The following NAV3 variants were observed in gnomAD, a reference collection of about 807,000 sequenced individuals.
NAV3 encodes the protein neuron navigator 3, also known as pore membrane and/or filament interacting like protein 1.
In NAV3, 87 loss-of-function variants were observed where a neutral mutation model predicts 244.7. The ratio of observed to expected loss-of-function variants is 0.36; its 90% CI spans 0.30 to 0.42. The LOEUF is 0.42. NAV3 is among the 20% of genes least tolerant of loss of function. The pLI is 1.00. For synonymous variants in NAV3, 1,126 were observed against 1,042.2 expected, an observed-to-expected ratio of 1.08 and a Z score of -1.55; for missense variants, 2,663 against 2,893.3, an observed-to-expected ratio of 0.92 and a Z score of 1.83.
chr12:78,177,498 T>C (rs1406760805), intron 27 of NAV3, 122 bp from the exon 28 acceptor site: 1 of 1,159,876 alleles, frequency 8.6e-7, no homozygotes, highest in Non-Finnish European at 1.2e-6. Flanking sequence ...TTTTTCTTTT[T>C]CATTTTCATA....
At chr12:77,921,526 T>C (rs1240218675) in intron 1 of NAV3, among the ~76,000 whole-genome samples, 1 of 152,094 alleles carries the variant, frequency 6.6e-6, no homozygotes, top group Non-Finnish European at 1.5e-5. Flanking sequence ...AGGAAAATCA[T>C]GCCGTTGTTA....
chr12:78,115,729 G>A (rs1022989161), intron 12 of NAV3, among the ~76,000 whole-genome samples: 5 of 151,702 alleles, frequency 3.3e-5, no homozygotes, highest in South Asian at 2.1e-4. Flanking sequence ...GCTTACCATC[G>A]TGTTAGAGTT....
intron 12 of NAV3, among the ~76,000 whole-genome samples, chr12:78,074,691 CA>C (rs1460840478): frequency 5.9e-5 from 9 of 151,990 alleles, no homozygotes; most frequent in African/African-American, 2.2e-4. Context: ...GTGACAAGAG[CA>C]AAACTCTGTC....
At chr12:77,732,143 C>G (rs1877152280) in intron 2 of NAV3, among the ~76,000 whole-genome samples, 1 of 151,964 alleles carries the variant, frequency 6.6e-6, no homozygotes, top group Non-Finnish European at 1.5e-5. Context: ...TCAAGGATTC[C>G]TAGTGCCTTT....
chr12:77,942,871 A>C (rs1248230799), intron 3 of NAV3, among the ~76,000 whole-genome samples: 1 of 152,246 alleles, frequency 6.6e-6, no homozygotes, highest in African/African-American at 2.4e-5. Context: ...TCAGTTAAAA[A>C]GCTCAACAGT....
chr12:77,717,408 A>C (rs1876411000), intron 2 of NAV3, among the ~76,000 whole-genome samples: 1 of 152,110 alleles, frequency 6.6e-6, no homozygotes, highest in African/African-American at 2.4e-5. Flanking sequence ...TTCACTTATC[A>C]TGATGTCCTC....
chr12:77,629,251 C>T (rs1871778916), intron 2 of NAV3, among the ~76,000 whole-genome samples: 1 of 152,092 alleles, frequency 6.6e-6, no homozygotes, highest in African/African-American at 2.4e-5. Context: ...CATAAGTATT[C>T]AATAAATATT....
chr12:77,839,045 C>G lies in NAV3; in HGVS notation c.243+7341C>G, dbSNP rs74527183. Among the ~76,000 whole-genome samples, 1,404 of 152,208 alleles carry G rather than the reference C, an allele frequency of 9.2e-3. 20 individuals carry two copies. Among genetic ancestry groups the G allele is most frequent in the African/African-American group, 0.03 (1,239 of 41,540 alleles). ...GACCAAGATGTTTCAGCCTTGGCAC[C>G]AGCGACATTTAGAACTGATAACTCT... is the stretch of plus-strand genomic sequence containing the variant. On this transcript the variant is annotated intron_variant, in intron 1 of 39. Coordinates refer to ENST00000397909, the MANE Select transcript of NAV3 (RefSeq NM_001024383.2).
intron 5 of NAV3, among the ~76,000 whole-genome samples, chr12:77,976,773 G>C (rs935107040): frequency 1.4e-5 from 2 of 146,246 alleles, no homozygotes; most frequent in Non-Finnish European, 3.0e-5. Flanking sequence ...TCCCCTCCCG[G>C]GTTCAAGTGA....
intron 1 of NAV3, among the ~76,000 whole-genome samples, chr12:77,847,993 C>T (rs1455070255): frequency 6.6e-6 from 1 of 152,194 alleles, no homozygotes; most frequent in Admixed American, 6.6e-5. Flanking sequence ...CACCTGGATT[C>T]TCTTGTGGAT....
intron 2 of NAV3, among the ~76,000 whole-genome samples, chr12:77,596,822 T>C (rs1373721686): frequency 6.6e-6 from 1 of 152,104 alleles, no homozygotes; most frequent in African/African-American, 2.4e-5. Context: ...TGTTTAAAGA[T>C]GCAGAAACCT....
At chr12:77,691,335 G>GTATATATATATA (rs1455098694) in intron 2 of NAV3, among the ~76,000 whole-genome samples, 19 of 103,456 alleles carry the variant, frequency 1.8e-4, no homozygotes, top group African/African-American at 6.3e-4. Context: ...TTGTGTATGT[G>GTATATATATATA]TGTATATATA....
chr12:77,788,766 T>G (rs527820127), intron 2 of NAV3, among the ~76,000 whole-genome samples: 1 of 152,280 alleles, frequency 6.6e-6, no homozygotes, highest in Non-Finnish European at 1.5e-5. Context: ...TTTCCATTTC[T>G]AAGACACAGT....
chr12:77,746,283 C>T (rs1868538454), intron 2 of NAV3, among the ~76,000 whole-genome samples: 1 of 152,044 alleles, frequency 6.6e-6, no homozygotes, highest in Non-Finnish European at 1.5e-5. Flanking sequence ...TGAAAACAGC[C>T]TTAGACAATA....
chr12:77,843,958 C>G (rs936863101), intron 1 of NAV3, among the ~76,000 whole-genome samples: 1 of 152,100 alleles, frequency 6.6e-6, no homozygotes, highest in Non-Finnish European at 1.5e-5. Context: ...AGAGGAAAGG[C>G]CGATACATAA....
chr12:77,719,284 C>G (rs557909076), intron 2 of NAV3, among the ~76,000 whole-genome samples: 5 of 152,014 alleles, frequency 3.3e-5, no homozygotes, highest in African/African-American at 1.2e-4. Context: ...TCCTTTATGA[C>G]TTGGATGCCT....
chr12:77,918,924 A>G (rs1278407997), intron 1 of NAV3, among the ~76,000 whole-genome samples: 1 of 152,052 alleles, frequency 6.6e-6, no homozygotes, highest in East Asian at 1.9e-4. Flanking sequence ...TCATATGGGA[A>G]GAAATAGTCT....
chr12:78,073,753 A>T (rs1593475569), intron 12 of NAV3, among the ~76,000 whole-genome samples: 1 of 152,202 alleles, frequency 6.6e-6, no homozygotes, highest in East Asian at 1.9e-4. Flanking sequence ...AGCCAAAAAA[A>T]CAAAGCTGGA....
At chr12:77,677,442 T>C (rs1377839960) in intron 2 of NAV3, among the ~76,000 whole-genome samples, 1 of 152,230 alleles carries the variant, frequency 6.6e-6, no homozygotes, top group African/African-American at 2.4e-5. Context: ...GTTGTTGCCA[T>C]CTTAAAATTC....
Sources: allele counts gnomAD v4.1 joint callset (sites outside exome capture counted in the v4.1 genomes callset), GRCh38; gene constraint gnomAD v4.1.1; transcripts MANE v1.5; gene names NCBI Gene and HGNC (gene_info 2026-07-23, HGNC 2026-07-21).